Variants in DMBT1 observed in about 807,000 individuals in gnomAD.
The protein encoded by DMBT1 is scavenger receptor cysteine-rich domain-containing protein DMBT1.
Under a neutral mutation model 252.9 loss-of-function variants are expected in DMBT1, and 198 were observed. The ratio of observed to expected loss-of-function variants is 0.78; its 90% confidence interval spans 0.70 to 0.88. The LOEUF (loss-of-function observed/expected upper bound fraction) is 0.88, where lower values mean the gene tolerates loss of function less well. Among genes scored for constraint, DMBT1 ranks in the 40% least tolerant of loss-of-function variants. The probability of loss-of-function intolerance (pLI) is 0.00; values close to 1 mark genes in which losing one functional copy is unlikely to be tolerated. For synonymous variants in DMBT1, 990 were observed against 942.7 expected (o/e 1.05, Z -0.92); for missense variants, 2,432 against 2,404.7 (o/e 1.01, Z -0.24).
At chr10:122,570,765 T>C in intron 3 of DMBT1, 125 bp from the exon 4 acceptor site, 1 of 1,211,124 alleles carries the variant, frequency 8.3e-7, no homozygotes, top group Non-Finnish European at 1.2e-6. Context: ...GGTTGGCTTT[T>C]AGCAATGGAG....
At chr10:122,593,317 T>G (rs541711249) in intron 20 of DMBT1, among the ~76,000 whole-genome samples, 1 of 148,470 alleles carries the variant, frequency 6.7e-6, no homozygotes, top group African/African-American at 2.4e-5. Flanking sequence ...GGGAGTGGGT[T>G]GGTTTAGGTC....
chr10:122,620,432 G>A lies in DMBT1; in HGVS notation c.5284+141G>A, dbSNP rs554572970. ...AGTTGCCTGGGGAGGTAGACTCCCT[G>A]GGAACCTAGTCCTGGGTCAGATGTT... On this transcript the variant is annotated intron_variant, in intron 43 of 55. Transcript: ENST00000338354. The A allele has an allele frequency of 1.6e-5, 15 of 962,984 alleles. No individual in the cohort carries two copies. In the African/African-American group the frequency reaches 2.0e-4, roughly 13 times the overall value. The allele number at this position is 962,984 out of a possible 1,614,324, so 59.7% of individuals were successfully genotyped here.
chr10:122,627,065 C>T (rs76710497), intron 46 of DMBT1, among the ~76,000 whole-genome samples: 10,274 of 152,152 alleles, frequency 0.068, 399 homozygotes, highest in South Asian at 0.14. Flanking sequence ...CATCTTTATC[C>T]TAAAGGTAGG....
chr10:122,624,861 A>ACCTTGGGCCTCCAAGG (rs1305533065), intron 44 of DMBT1, among the ~76,000 whole-genome samples: 1 of 151,546 alleles, frequency 6.6e-6, no homozygotes, highest in Admixed American at 6.6e-5. Flanking sequence ...GGCCTCCAAG[A>ACCTTGGGCCTCCAAGG]CCTTGGGCCT....
rs1369163163 is a variant in DMBT1, at chr10:122,640,106, A to G, written c.7009A>G (p.Arg2337Gly). 6.2e-7 allele frequency: 1 copy of G among 1,614,044 alleles called. No homozygotes were observed. The highest frequency in any genetic ancestry group is 8.5e-7 in the Non-Finnish European group (1 of 1,179,900). Reference sequence around the variant, plus strand: ...AGCTGTCTCAGGTGGCATCATCAAGAGGAGGACAGACCTCCGTATTCACGT... The same window carrying G: ...AGCTGTCTCAGGTGGCATCATCAAGGGGAGGACAGACCTCCGTATTCACGT... ...TAAVSGGIIK[R>G]RTDLRIHVSC... Residue 2337 changes from arginine (R) to glycine (G), a missense_variant, in exon 55 of 56, where the codon AGG becomes GGG. Around this residue, in one of 3 missense-constraint regions of DMBT1, gnomAD observed 1,162 missense variants for 1,169.0 expected, o/e 0.99. Coordinates refer to ENST00000338354, the MANE Select transcript of DMBT1 (RefSeq NM_001377530.1).
At chr10:122,640,560 T>G (rs1481004923) in intron 55 of DMBT1, 111 bp downstream of exon 55, 3 of 1,188,280 alleles carry the variant, frequency 2.5e-6, no homozygotes, top group Non-Finnish European at 3.4e-6. Context: ...TTCCCAGTAC[T>G]TCCAGCTTAA....
chr10:122,589,233 T>C lies in DMBT1; in HGVS notation c.2073T>C (p.Cys691=). The C allele has an allele frequency of 6.3e-7, 1 of 1,588,560 alleles. No individual in the cohort carries two copies. The highest frequency in any genetic ancestry group is 8.6e-7 in the Non-Finnish European group (1 of 1,165,756). The change falls in exon 17 of 56, where the codon TGT becomes TGC. Residue 691 remains cysteine (C), a synonymous_variant. Coordinates refer to ENST00000338354, the MANE Select transcript of DMBT1 (RefSeq NM_001377530.1). The part of the protein sequence containing the change: ...CPNNGWLSHN[C]GHHEDAGVIC... ...ACAATGGCTGGCTCTCCCACAACTG[T>C]GGCCATCATGAAGATGCTGGTGTCA...
intron 3 of DMBT1, 102 bp downstream of exon 3, chr10:122,570,311 T>A: frequency 2.0e-6 from 2 of 1,016,590 alleles, no homozygotes; most frequent in Non-Finnish European, 1.5e-6. Context: ...TTCTAGCAAC[T>A]CTGGCATTCA....
In DMBT1 at chr10:122,560,828, A is replaced by G. The variant is rs1439072326; in HGVS notation, c.58A>G (p.Thr20Ala). 5.8e-6 allele frequency: 9 copies of G among 1,564,412 alleles called. No individual in the cohort carries two copies. The highest frequency in any genetic ancestry group is 1.9e-5 in the Admixed American group (1 of 53,304). Residue 20 changes from threonine to alanine, a missense_variant, in exon 1 of 56, where the codon ACA becomes GCA. Physicochemically the swap from Thr to Ala is moderately conservative, Grantham distance 58. Coordinates refer to ENST00000338354, the MANE Select transcript of DMBT1 (RefSeq NM_001377530.1). ...MCLLWGQVLSTGGWIPRTTDY... is the reference protein window; with the variant it reads ...MCLLWGQVLSAGGWIPRTTDY... Reference sequence around the variant, plus strand: ...TCTTTTATGGGGACAAGTTCTATCTACAGGTATTACGTTTAATTATTATAT... The same window carrying G: ...TCTTTTATGGGGACAAGTTCTATCTGCAGGTATTACGTTTAATTATTATAT...
chr10:122,625,337 C>G (rs1358147036), intron 45 of DMBT1, 34 bp downstream of exon 45: 5 of 1,595,016 alleles, frequency 3.1e-6, no homozygotes, highest in Non-Finnish European at 4.3e-6. Context: ...AGCAATATTT[C>G]TCTTGGGAAT....
intron 10 of DMBT1, among the ~76,000 whole-genome samples, chr10:122,580,457 G>A (rs1221170566): frequency 6.6e-6 from 1 of 152,198 alleles, no homozygotes; most frequent in African/African-American, 2.4e-5. Context: ...TGTGTTCTAG[G>A]TCTGGTGAGG....
chr10:122,565,653 G>A (rs1343938172), intron 1 of DMBT1, among the ~76,000 whole-genome samples: 2 of 152,176 alleles, frequency 1.3e-5, no homozygotes, highest in South Asian at 2.1e-4. Context: ...ACGAGCTTAA[G>A]CTGTCTTCTC....
chr10:122,599,835 C>A (rs2097923734), intron 26 of DMBT1, among the ~76,000 whole-genome samples: 1 of 151,806 alleles, frequency 6.6e-6, no homozygotes, highest in Non-Finnish European at 1.5e-5. Flanking sequence ...CCGGGTTACC[C>A]TGGGCAGACA....
chr10:122,581,483 G>A (rs1000468792), intron 11 of DMBT1, among the ~76,000 whole-genome samples: 1 of 149,982 alleles, frequency 6.7e-6, no homozygotes, highest in Non-Finnish European at 1.5e-5. Context: ...CCGAGCTTCA[G>A]CAATGGCGTC....
In DMBT1 at chr10:122,577,820, C is replaced by G. The variant is rs1565623159; in HGVS notation, c.617C>G (p.Pro206Arg). 6.2e-7 allele frequency: 1 copy of G among 1,613,718 alleles called. No individual in the cohort carries two copies. Among genetic ancestry groups the G allele is most frequent in the East Asian group, 2.2e-5 (1 of 44,872 alleles). Residue 206 changes from proline (P) to arginine (R), a missense_variant, in exon 8 of 56, where the codon CCT becomes CGT. By Grantham distance (103) the Pro-to-Arg change is moderately radical (BLOSUM62 -2). Around this residue, in one of 3 missense-constraint regions of DMBT1, gnomAD observed 1,264 missense variants for 1,082.2 expected, o/e 1.17. Transcript: ENST00000338354. The stretch of plus-strand genomic sequence containing the variant: ...TATTTTTTTCTCACAGCTGCCCAGC[C>G]TCAGTCAACACTCAGGCCAGGTGAG... ...DAGVICSAAQ[P>R]QSTLRPESWP...
In DMBT1 at chr10:122,643,215, C is replaced by A; in HGVS notation, c.7446C>A (p.Phe2482Leu). 1 of 1,613,992 alleles carries A rather than the reference C, an allele frequency of 6.2e-7. No individual in the cohort carries two copies. The stretch of plus-strand genomic sequence containing the variant: ...GGGCCTTCCACTTCCTGAACCGCTT[C>A]CCCTCCGTGTACCTGCGTTGTAAAA... ...RFRAFHFLNRFPSVYLRCKMV... is the reference protein window; with the variant it reads ...RFRAFHFLNRLPSVYLRCKMV... The change falls in exon 56 of 56, where the codon TTC becomes TTA. Residue 2482 changes from phenylalanine to leucine, a missense_variant. By Grantham distance (22) the Phe-to-Leu change is conservative. This residue lies in a region of DMBT1 where 1,162 missense variants were observed against 1,169.0 expected (regional missense o/e 0.99). Transcript: ENST00000338354.
At chr10:122,565,066 A>G (rs1387558242) in intron 1 of DMBT1, among the ~76,000 whole-genome samples, 18 of 152,182 alleles carry the variant, frequency 1.2e-4, no homozygotes. Flanking sequence ...ATAATACAAT[A>G]CTTTGGGCAT....
chr10:122,636,542 G>A (rs2098228681), intron 53 of DMBT1, among the ~76,000 whole-genome samples: 1 of 152,194 alleles, frequency 6.6e-6, no homozygotes. Flanking sequence ...CTCAGAGTGT[G>A]GGACACTGTG....
At position 122,589,555 on chromosome 10, in the gene DMBT1, T is replaced by A. The variant is rs186645900; in HGVS notation, c.2107+288T>A. 1.7e-3 allele frequency among the ~76,000 whole-genome samples: 248 copies of A among 148,106 alleles called. 18 individuals are homozygous for A. The highest frequency in any genetic ancestry group is 5.6e-3 in the African/African-American group (229 of 41,126). ...AAAGGGCTGGGTCTTTGCATTTTAG[T>A]GTGGCTGGAAAGGAATGGCTGGGGT... On this transcript the variant is annotated intron_variant, in intron 17 of 55. Transcript: ENST00000338354.
Sources: gnomAD v4.1 joint callset for allele counts (sites outside exome capture counted in the v4.1 genomes callset) on GRCh38, gnomAD v4.1.1 for gene constraint, gnomAD v4.1.1 regional missense constraint, MANE v1.5 for transcripts, NCBI Gene and HGNC (gene_info 2026-07-23, HGNC 2026-07-21) for gene names.